The following DGUOK variants were observed in gnomAD, a reference collection of about 807,000 sequenced individuals.
DGUOK encodes deoxyguanosine kinase.
In DGUOK, 30 loss-of-function variants were observed where a neutral mutation model predicts 36.6. The ratio of observed to expected loss-of-function variants is 0.82; its 90% CI spans 0.61 to 1.11. The LOEUF (loss-of-function observed/expected upper bound fraction) is 1.11. DGUOK is among the 50% of genes most tolerant of loss of function. The pLI is 0.00. For missense variants in DGUOK, 361 were observed against 336.4 expected, an observed-to-expected ratio of 1.07 and a Z score of -0.57; for synonymous variants, 145 against 126.3, an observed-to-expected ratio of 1.15 and a Z score of -0.99.
At chr2:73,929,038 A>G (rs1680813933) in intron 1 of DGUOK, among the ~76,000 whole-genome samples, 1 of 152,190 alleles carries the variant, frequency 6.6e-6, no homozygotes, top group African/African-American at 2.4e-5. Flanking sequence ...GATGACTCCA[A>G]TTATTTTGAC....
chr2:73,930,454 A>G (rs1458509298), intron 1 of DGUOK, among the ~76,000 whole-genome samples: 1 of 152,132 alleles, frequency 6.6e-6, no homozygotes, highest in East Asian at 1.9e-4. Flanking sequence ...TTTAAATATG[A>G]TGTTTTGTAC....
At chr2:73,930,828 C>T (rs1275971039) in intron 1 of DGUOK, among the ~76,000 whole-genome samples, 2 of 117,818 alleles carry the variant, frequency 1.7e-5, no homozygotes, top group African/African-American at 6.4e-5. Flanking sequence ...CAGAGTCTTG[C>T]TCTGGCACCC....
At chr2:73,948,213 A>G (rs542298640) in intron 3 of DGUOK, among the ~76,000 whole-genome samples, 15 of 152,344 alleles carry the variant, frequency 9.8e-5, no homozygotes, top group Non-Finnish European at 1.6e-4. Context: ...TGAATTACAT[A>G]TAACCACATG....
At chr2:73,938,795 C>T in intron 1 of DGUOK, 115 bp from the exon 2 acceptor site, 1 of 774,518 alleles carries the variant, frequency 1.3e-6, no homozygotes, top group Non-Finnish European at 2.4e-6. Context: ...GTTTGAAATT[C>T]AGAAAACTAA....
chr2:73,935,845 C>A (rs1558647310), intron 1 of DGUOK, among the ~76,000 whole-genome samples: 1 of 152,138 alleles, frequency 6.6e-6, no homozygotes, highest in South Asian at 2.1e-4. Flanking sequence ...GTCATTGGAA[C>A]TGTATATTTC....
Position 73,958,822 on chromosome 2 carries a change from TC to T in DGUOK, c.*90del. 1 of 1,150,704 alleles carries T rather than the reference TC, an allele frequency of 8.7e-7. No individual in the cohort carries two copies. Among genetic ancestry groups the T allele is most frequent in the African/African-American group, 1.5e-5 (1 of 66,164 alleles). The allele number at this position is 1,150,704 out of a possible 1,614,324, so 71.3% of individuals were successfully genotyped here. A position where few individuals can be genotyped will look rare whatever the true frequency, so the allele number is the denominator to read the frequency against. The stretch of plus-strand genomic sequence containing the variant: ...GTTGTGTCTCCCAACCACCTTTCCA[TC>T]CCCAGCCCCTCTCATCCCTGGAGCA... On this transcript the variant is annotated 3_prime_UTR_variant, in exon 7 of 7. Transcript: ENST00000264093.
At chr2:73,947,260 A>G (rs1456783311) in intron 3 of DGUOK, 1 of 290,944 alleles carries the variant, frequency 3.4e-6, no homozygotes, top group Non-Finnish European at 6.7e-6. Context: ...TGTATATTCT[A>G]AGAAATCAGA....
At chr2:73,927,349 C>T (rs978812795) in intron 1 of DGUOK, among the ~76,000 whole-genome samples, 3 of 152,204 alleles carry the variant, frequency 2.0e-5, no homozygotes, top group African/African-American at 7.2e-5. Flanking sequence ...ATTGAAGCGA[C>T]AAGCGGGTGC....
In DGUOK at chr2:73,950,573, A is replaced by G. The variant is rs1316840479; in HGVS notation, c.444-12A>G. The G allele has an allele frequency of 5.6e-6, 9 of 1,613,564 alleles. No homozygotes were observed. In the African/African-American group the frequency reaches 1.2e-4, roughly 22 times the overall value. On this transcript the variant is annotated splice_polypyrimidine_tract_variant and intron_variant, in intron 3 of 6. Transcript: ENST00000264093. ...CTCCTGCCCTCCCCATTCCCATCCC[A>G]CTTCCAACCAGGTATATCTTTGCAA...
chr2:73,936,945 C>T (rs1681510797), intron 1 of DGUOK, among the ~76,000 whole-genome samples: 2 of 152,106 alleles, frequency 1.3e-5, no homozygotes, highest in South Asian at 4.1e-4. Context: ...CTAAACAGAA[C>T]CTTGAGGATT....
At chr2:73,957,396 A>C (rs1233352977) in intron 5 of DGUOK, among the ~76,000 whole-genome samples, 156 bp downstream of exon 5, 1 of 152,214 alleles carries the variant, frequency 6.6e-6, no homozygotes, top group Non-Finnish European at 1.5e-5. Context: ...GAAGTTTAAT[A>C]TTGCTGGACA....
At chr2:73,954,494 A>AC (rs1558665877) in intron 4 of DGUOK, among the ~76,000 whole-genome samples, 1 of 151,980 alleles carries the variant, frequency 6.6e-6, no homozygotes, top group African/African-American at 2.4e-5. Context: ...ACATAGGGAG[A>AC]CCCCATCTCT....
chr2:73,927,199 T>C (rs780646123), intron 1 of DGUOK, 147 bp downstream of exon 1: 1 of 1,090,288 alleles, frequency 9.2e-7, no homozygotes, highest in African/African-American at 1.6e-5. Flanking sequence ...CCTCGCAAAG[T>C]GCACTGTGTA....
At chr2:73,929,134 T>C (rs1558640020) in intron 1 of DGUOK, among the ~76,000 whole-genome samples, 1 of 152,188 alleles carries the variant, frequency 6.6e-6, no homozygotes, top group Non-Finnish European at 1.5e-5. Context: ...CCTCCTTTGG[T>C]GTGGTCTTGC....
At chr2:73,940,537 T>C (rs1287137632) in intron 2 of DGUOK, among the ~76,000 whole-genome samples, 1 of 152,242 alleles carries the variant, frequency 6.6e-6, no homozygotes, top group African/African-American at 2.4e-5. Context: ...AAATTAACTT[T>C]CCTATGCAGG....
At chr2:73,939,782 C>A (rs1283791831) in intron 2 of DGUOK, among the ~76,000 whole-genome samples, 1 of 152,150 alleles carries the variant, frequency 6.6e-6, no homozygotes, top group Non-Finnish European at 1.5e-5. Flanking sequence ...CATGTTGCAC[C>A]CCTGTGACTC....
intron 2 of DGUOK, among the ~76,000 whole-genome samples, chr2:73,941,101 C>T (rs964802989): frequency 6.6e-6 from 1 of 152,150 alleles, no homozygotes; most frequent in African/African-American, 2.4e-5. Context: ...CTGTAGCTTC[C>T]ATCTTGTTCT....
At chr2:73,944,697 T>G (rs1180452876) in intron 2 of DGUOK, among the ~76,000 whole-genome samples, 1 of 152,222 alleles carries the variant, frequency 6.6e-6, no homozygotes, top group Non-Finnish European at 1.5e-5. Flanking sequence ...TGTTGGTTTC[T>G]TTTACATTTT....
chr2:73,949,622 G>T (rs1682568870), intron 3 of DGUOK, among the ~76,000 whole-genome samples: 1 of 152,184 alleles, frequency 6.6e-6, no homozygotes. Context: ...TATTCTCTCA[G>T]TGGTGACACT....
Sources: allele counts gnomAD v4.1 joint callset (sites outside exome capture counted in the v4.1 genomes callset), GRCh38; gene constraint gnomAD v4.1.1; transcripts MANE v1.5; gene names NCBI Gene and HGNC (gene_info 2026-07-23, HGNC 2026-07-21).